NAGPA: variants seen among roughly 807,000 people sequenced by gnomAD.
NAGPA encodes the protein alpha-N-acetylglucosaminyl phosphodiesterase.
In NAGPA, 56 loss-of-function variants were observed where a neutral mutation model predicts 48.5. That is an observed-to-expected ratio of 1.15 (90% CI 0.93 to 1.44). The LOEUF is 1.44. Ranked by LOEUF, NAGPA falls within the 40% of genes most tolerant of loss-of-function variation. The pLI is 0.00. For missense variants in NAGPA, 888 were observed against 735.0 expected, an observed-to-expected ratio of 1.21 and a Z score of -2.41; for synonymous variants, 399 against 315.5, an observed-to-expected ratio of 1.26 and a Z score of -2.81.
Position 5,025,342 on chromosome 16 carries a change from A to T in NAGPA, c.*136T>A, listed in dbSNP as rs1457306577. On this transcript the variant is annotated 3_prime_UTR_variant, in exon 10 of 10. Transcript: ENST00000312251. ...GGTGAGGGGCTGAGGCACAAGTGCT[A>T]TCAGGAACTTGGCTGCCCCACAGGG... 2.9e-6 allele frequency: 3 copies of T among 1,041,006 alleles called. No individual in the cohort carries two copies. The Admixed American group carries it at 6.0e-5, about 21-fold the overall frequency. 64.5% of individuals were successfully genotyped at this position (1,041,006 alleles called of 1,614,324 possible).
intron 2 of NAGPA, chr16:5,032,868 A>G: frequency 4.1e-6 from 1 of 244,738 alleles, no homozygotes; most frequent in Admixed American, 5.3e-5. Context: ...TCCCACTCAA[A>G]GGTCACCTCG....
intron 5 of NAGPA, chr16:5,028,477 C>G: frequency 1.5e-6 from 1 of 658,454 alleles, no homozygotes; most frequent in African/African-American, 1.8e-5. Flanking sequence ...CCAAGCGAAC[C>G]TCCCACCTCG....
chr16:5,027,524 G>C (rs962996153), intron 7 of NAGPA, 145 bp from the exon 8 acceptor site: 16 of 869,144 alleles, frequency 1.8e-5, no homozygotes, highest in African/African-American at 3.3e-5. Flanking sequence ...TGCCCTCCCT[G>C]GACTAGCCCC....
At chr16:5,029,880 C>T (rs1033477746) in intron 4 of NAGPA, 12 of 182,724 alleles carry the variant, frequency 6.6e-5, no homozygotes, top group Admixed American at 3.8e-4. Context: ...GCTGAGATTG[C>T]ACCACTGCAC....
chr16:5,028,938 C>A lies in NAGPA; in HGVS notation c.862G>T (p.Gly288Cys). The change falls in exon 5 of 10, where the codon GGT becomes TGT. Residue 288 changes from glycine to cysteine, a missense_variant. Transcript: ENST00000312251. ...DVVNAINLDG[G>C]GSATFVLNGT... ...TTGAGCACAAAGGTGGCAGAGCCACCCCCATCCAGGTTGATGGCGTTGACC... is the reference window on the plus strand; with the variant it reads ...TTGAGCACAAAGGTGGCAGAGCCACACCCATCCAGGTTGATGGCGTTGACC... 1 of 1,614,070 alleles carries A rather than the reference C, an allele frequency of 6.2e-7. No individual in the cohort carries two copies. The highest frequency in any genetic ancestry group is 2.2e-5 in the East Asian group (1 of 44,882).
chr16:5,026,172 A>C (rs1279632515), intron 9 of NAGPA, among the ~76,000 whole-genome samples: 2 of 148,584 alleles, frequency 1.3e-5, no homozygotes, highest in Non-Finnish European at 3.0e-5. Context: ...CAAGTGATCC[A>C]CCTGCCTCGG....
Position 5,025,633 on chromosome 16 carries a change from T to C in NAGPA, c.1393A>G (p.Thr465Ala), listed in dbSNP as rs1449488745. Residue 465 changes from threonine to alanine, a missense_variant, in exon 10 of 10, where the codon ACT (threonine) becomes GCT (alanine). Thr to Ala is a moderately conservative substitution (Grantham distance 58, BLOSUM62 0). Coordinates refer to ENST00000312251, the MANE Select transcript of NAGPA (RefSeq NM_016256.4). ...AGGAGCAAGGACAGGTTTGCTGCAG[T>C]GCTGATCAGCAGGAGGAAGGCCAGC... ...LALAFLLLISTAANLSLLLSR... is the reference protein window; with the variant it reads ...LALAFLLLISAAANLSLLLSR... 2 of 1,613,772 alleles carry C rather than the reference T, an allele frequency of 1.2e-6. No homozygotes were observed. The highest frequency in any genetic ancestry group is 1.7e-5 in the Admixed American group (1 of 60,004).
chr16:5,025,863 CAT>C (rs1484262385), intron 9 of NAGPA, among the ~76,000 whole-genome samples, 178 bp from the exon 10 acceptor site: 4 of 151,766 alleles, frequency 2.6e-5, no homozygotes, highest in African/African-American at 7.3e-5. Context: ...ACATTTAAGA[CAT>C]GTGCAGGGAA....
chr16:5,029,076 T>G, intron 4 of NAGPA, 68 bp from the exon 5 acceptor site: 1 of 1,601,362 alleles, frequency 6.2e-7, no homozygotes, highest in South Asian at 1.1e-5. Flanking sequence ...TCCTTTTCCT[T>G]CCACAGTGCA....
intron 4 of NAGPA, chr16:5,029,260 C>A (rs1372880564): frequency 1.8e-6 from 1 of 543,302 alleles, no homozygotes; most frequent in East Asian, 3.4e-5. Flanking sequence ...GGTGCAGCCA[C>A]TGGAATCACA....
chr16:5,030,516 G>T, intron 3 of NAGPA, 23 bp from the exon 4 acceptor site: 1 of 1,541,516 alleles, frequency 6.5e-7, no homozygotes, highest in Non-Finnish European at 8.8e-7. Flanking sequence ...CAGCCTGGCT[G>T]ATCACCGCCC....
chr16:5,025,835 C>G (rs1326917738), intron 9 of NAGPA, 150 bp from the exon 10 acceptor site: 9 of 793,000 alleles, frequency 1.1e-5, no homozygotes, highest in Non-Finnish European at 1.0e-5. Flanking sequence ...GCAAAATGGA[C>G]TAGGTGGGGA....
In NAGPA at chr16:5,033,828, C is replaced by A; in HGVS notation, c.86+1G>T. The A allele has an allele frequency of 1.3e-6, 2 of 1,552,530 alleles. No individual in the cohort carries two copies. Among genetic ancestry groups the A allele is most frequent in the Non-Finnish European group, 1.7e-6 (2 of 1,148,726 alleles). On this transcript the variant is annotated splice_donor_variant, in intron 1 of 9. Coordinates refer to ENST00000312251, the MANE Select transcript of NAGPA (RefSeq NM_016256.4). LOFTEE classifies it high-confidence loss of function. This position sits in a 1 kb window ranked among gnomAD's most constrained non-coding sequence, Gnocchi z 4.2. ...AGGCTGGCCCAGGGAGCTGCACTCACCCCGAGTCGAGGCCGCCGGACGCTT... is the reference window on the plus strand; with the variant it reads ...AGGCTGGCCCAGGGAGCTGCACTCAACCCGAGTCGAGGCCGCCGGACGCTT...
rs1172729583 is a variant in NAGPA at position 5,027,975 on chromosome 16, C to A, written c.1126+5G>T. 1 of 1,613,880 alleles carries A rather than the reference C, an allele frequency of 6.2e-7. No homozygotes were observed. Among genetic ancestry groups the A allele is most frequent in the Non-Finnish European group, 8.5e-7 (1 of 1,179,902 alleles). On this transcript the variant is annotated splice_donor_5th_base_variant and intron_variant, in intron 6 of 9. Transcript: ENST00000312251. ...CAGAGCCCCCTCCCCAGAACCCCCA[C>A]TCACTCTCCGTGCACAGTCCGTGCT...
Position 5,027,104 on chromosome 16 carries a change from C to T in NAGPA, c.1340+31G>A, listed in dbSNP as rs200705614. The T allele has an allele frequency of 2.5e-6, 4 of 1,613,178 alleles. No homozygotes were observed. The African/African-American group carries it at 5.3e-5, about 22-fold the overall frequency. On this transcript the variant is annotated intron_variant, in intron 9 of 9. Coordinates refer to ENST00000312251, the MANE Select transcript of NAGPA (RefSeq NM_016256.4). ...CGGGAGAGAAGGGGGATTCCTCCCGCCCTGGCCCCAGCTCCCACAGAAGCA... is the reference window on the plus strand; with the variant it reads ...CGGGAGAGAAGGGGGATTCCTCCCGTCCTGGCCCCAGCTCCCACAGAAGCA...
rs538769563 is a variant in NAGPA at position 5,030,364 on chromosome 16, G to T, written c.791+21C>A. On this transcript the variant is annotated intron_variant, in intron 4 of 9. Transcript: ENST00000312251. ...AGCAGGACTGAGCCCCGGCCGGGGGGCCTCAGCTCCCAGGACTCACCCACG... is the reference window on the plus strand; with the variant it reads ...AGCAGGACTGAGCCCCGGCCGGGGGTCCTCAGCTCCCAGGACTCACCCACG... 3.7e-4 allele frequency: 569 copies of T among 1,546,384 alleles called. 5 individuals carry two copies. The South Asian group carries it at 6.4e-3, about 17-fold the overall frequency.
Position 5,025,127 on chromosome 16 carries a change from T to C in NAGPA, c.*351A>G. On this transcript the variant is annotated 3_prime_UTR_variant, in exon 10 of 10. Coordinates refer to ENST00000312251, the MANE Select transcript of NAGPA (RefSeq NM_016256.4). Reference sequence around the variant, plus strand: ...CTGGCCAGGATGTGCTGTTCTGTCATGACGTGGTCACTGAGTCTGGTTCGT... The same window carrying C: ...CTGGCCAGGATGTGCTGTTCTGTCACGACGTGGTCACTGAGTCTGGTTCGT... 1 of 373,216 alleles carries C rather than the reference T, an allele frequency of 2.7e-6. No homozygotes were observed. The highest frequency in any genetic ancestry group is 5.1e-6 in the Non-Finnish European group (1 of 195,798). 23.1% of individuals were successfully genotyped at this position (373,216 alleles called of 1,614,324 possible).
In NAGPA at chr16:5,033,256, G is replaced by T. The variant is rs1567142720; in HGVS notation, c.542+17C>A. The T allele has an allele frequency of 1.9e-6, 3 of 1,579,882 alleles. No homozygotes were observed. The East Asian group carries it at 6.9e-5, about 36-fold the overall frequency. Reference sequence around the variant, plus strand: ...GGCCCTCTGCCCTCGACAGCACGGGGCTCCCTGCCTCCTCACCCGGTGACC... The same window carrying T: ...GGCCCTCTGCCCTCGACAGCACGGGTCTCCCTGCCTCCTCACCCGGTGACC... On this transcript the variant is annotated intron_variant, in intron 2 of 9. Transcript: ENST00000312251. The surrounding 1 kb of genome is among the most constrained non-coding windows in gnomAD (Gnocchi z 4.2).
intron 4 of NAGPA, chr16:5,030,089 G>T (rs1396232872): frequency 1.3e-5 from 7 of 525,570 alleles, no homozygotes; most frequent in Non-Finnish European, 1.7e-5. Flanking sequence ...AGTCATCGAT[G>T]GCTAAGCTGG....
Sources: gnomAD v4.1 joint callset for allele counts (sites outside exome capture counted in the v4.1 genomes callset) on GRCh38, gnomAD v4.1.1 for gene constraint, Gnocchi (gnomAD v3.1) non-coding constraint, MANE v1.5 for transcripts, NCBI Gene and HGNC (gene_info 2026-07-23, HGNC 2026-07-21) for gene names.